The following STK32C variants were observed in gnomAD, a reference collection of about 807,000 sequenced individuals.
STK32C encodes the protein serine/threonine kinase 32C, also known as serine/threonine-protein kinase 32C.
STK32C carries 31 observed loss-of-function variants against 56.5 expected under a neutral mutation model. That is an observed-to-expected ratio of 0.55 (90% CI 0.41 to 0.74). The LOEUF (loss-of-function observed/expected upper bound fraction) is 0.74. Among genes scored for constraint, STK32C ranks in the 30% least tolerant of loss-of-function variants. The pLI is 0.00. For synonymous variants in STK32C, 309 were observed against 289.4 expected (o/e 1.07, Z -0.69); for missense variants, 544 against 676.9 (o/e 0.80, Z 2.18).
chr10:132,259,786 A>G (rs988965884), intron 1 of STK32C, among the ~76,000 whole-genome samples: 1 of 152,220 alleles, frequency 6.6e-6, no homozygotes, highest in Non-Finnish European at 1.5e-5. Flanking sequence ...CATCTCAGGA[A>G]ACCATGGCCG....
At chr10:132,295,791 A>G (rs1296955450) in intron 1 of STK32C, among the ~76,000 whole-genome samples, 1 of 152,100 alleles carries the variant, frequency 6.6e-6, no homozygotes, top group Non-Finnish European at 1.5e-5. Context: ...GGCTGAGGAA[A>G]AAGAATCGCT....
At chr10:132,298,404 C>T (rs941849939) in intron 1 of STK32C, among the ~76,000 whole-genome samples, 2 of 152,246 alleles carry the variant, frequency 1.3e-5, no homozygotes, top group African/African-American at 2.4e-5. Context: ...GCGAAGAAGC[C>T]GAGACTCTGA....
upstream of STK32C, among the ~76,000 whole-genome samples, chr10:132,311,410 G>A (rs546101180): frequency 6.6e-6 from 1 of 152,378 alleles, no homozygotes; most frequent in African/African-American, 2.4e-5. This position sits in a 1 kb window ranked among gnomAD's most constrained non-coding sequence, Gnocchi z 4.4. Flanking sequence ...ATGGAAGACA[G>A]ATGGCCGTGG....
intron 1 of STK32C, among the ~76,000 whole-genome samples, chr10:132,298,420 G>T (rs1046019022): frequency 6.6e-6 from 1 of 152,278 alleles, no homozygotes; most frequent in Non-Finnish European, 1.5e-5. Context: ...TCTGAGGACG[G>T]CTGTGGTGGT....
intron 1 of STK32C, among the ~76,000 whole-genome samples, chr10:132,247,323 C>G (rs777337242): frequency 3.9e-5 from 6 of 152,170 alleles, no homozygotes; most frequent in Non-Finnish European, 8.8e-5. Flanking sequence ...CACTCCCTTC[C>G]CAGGGCACCC....
At position 132,224,407 on chromosome 10, in the gene STK32C, C is replaced by T; in HGVS notation, c.993G>A (p.Lys331=). 6.4e-7 allele frequency: 1 copy of T among 1,550,612 alleles called. No homozygotes were observed. The highest frequency in any genetic ancestry group is 8.7e-7 in the Non-Finnish European group (1 of 1,146,774). ...WSKEMVALLR[K]LLTVNPEHRL... The stretch of plus-strand genomic sequence containing the variant: ...AGGAGGCTCAGGGATGGGGGCTCAC[C>T]TTCCGCAGCAAGGCCACCATCTCCT... Residue 331 remains lysine, a splice_region_variant and synonymous_variant, in exon 8 of 12, where the codon AAG becomes AAA. Coordinates refer to ENST00000298630, the MANE Select transcript of STK32C (RefSeq NM_173575.4).
chr10:132,226,782 G>C lies in STK32C; in HGVS notation c.644+13C>G. 1 of 1,610,534 alleles carries C rather than the reference G, an allele frequency of 6.2e-7. No individual in the cohort carries two copies. The highest frequency in any genetic ancestry group is 8.5e-7 in the Non-Finnish European group (1 of 1,179,086). On this transcript the variant is annotated intron_variant, in intron 4 of 11. Coordinates refer to ENST00000298630, the MANE Select transcript of STK32C (RefSeq NM_173575.4). The stretch of plus-strand genomic sequence containing the variant: ...ACCTCAGCAGGTACCTGCGCCGTCT[G>C]CCACGCACACACCTGTGGATGATGT...
intron 2 of STK32C, among the ~76,000 whole-genome samples, chr10:132,242,869 G>A (rs923785717): frequency 7.2e-5 from 11 of 152,296 alleles, no homozygotes; most frequent in Admixed American, 5.2e-4. Context: ...TCCATGGCAC[G>A]TTTGGTTTGG....
intron 1 of STK32C, among the ~76,000 whole-genome samples, chr10:132,306,011 C>T (rs1003167859): frequency 2.0e-5 from 3 of 152,244 alleles, no homozygotes; most frequent in African/African-American, 4.8e-5. Context: ...ATTCCCAAGT[C>T]AGACCGTGAG....
intron 1 of STK32C, among the ~76,000 whole-genome samples, chr10:132,305,141 G>A (rs900511653): frequency 3.9e-5 from 6 of 152,194 alleles, no homozygotes; most frequent in Admixed American, 1.3e-4. Context: ...ATTTTTCACC[G>A]AAGTCAGAGA....
At chr10:132,328,566 T>G (rs1374806649) in intron 1 of STK32C, among the ~76,000 whole-genome samples, 1 of 152,210 alleles carries the variant, frequency 6.6e-6, no homozygotes, top group East Asian at 1.9e-4. Context: ...GGGGGTATTT[T>G]CGGGAAAGGG....
intron 4 of STK32C, among the ~76,000 whole-genome samples, 183 bp downstream of exon 4, chr10:132,226,612 C>G (rs1193072085): frequency 1.3e-5 from 2 of 152,242 alleles, no homozygotes; most frequent in South Asian, 2.1e-4. Flanking sequence ...ACCAGGCACA[C>G]AGCTATGGGG....
In STK32C at chr10:132,222,864, G is replaced by A; in HGVS notation, c.1116C>T (p.Pro372=). Residue 372 remains proline (P), a synonymous_variant, in exon 9 of 12, where the codon CCC becomes CCT. Coordinates refer to ENST00000298630, the MANE Select transcript of STK32C (RefSeq NM_173575.4). ...SEKRVEPGFV[P]NKGRLHCDPT... ...CCTGAGCCGCCCACAGGCTTACGTT[G>A]GGCACGAAGCCCGGCTCCACCCTCT... 6.3e-7 allele frequency: 1 copy of A among 1,588,364 alleles called. No homozygotes were observed. The highest frequency in any genetic ancestry group is 8.5e-7 in the Non-Finnish European group (1 of 1,169,646).
chr10:132,303,567 G>T (rs943361866), intron 1 of STK32C, among the ~76,000 whole-genome samples: 3 of 152,190 alleles, frequency 2.0e-5, no homozygotes, highest in Non-Finnish European at 2.9e-5. Context: ...AGGAACCTGC[G>T]GCTGCCATCC....
Position 132,209,044 on chromosome 10 carries a change from T to G in STK32C, c.1309A>C (p.Asn437His). The G allele has an allele frequency of 6.2e-7, 1 of 1,613,816 alleles. No homozygotes were observed. Among genetic ancestry groups the G allele is most frequent in the Non-Finnish European group, 8.5e-7 (1 of 1,179,938 alleles). The change falls in exon 11 of 12, where the codon AAC (asparagine) becomes CAC (histidine). Residue 437 changes from asparagine (N) to histidine (H), a missense_variant. Transcript: ENST00000298630. ...CCCCAACACACTCACTTTTCTCTGT[T>G]AAAAATCACGAAGTCTTGCTGGATG... Reference protein sequence around the residue: ...DAIQQDFVIFNREKLKRSQDL... With the variant: ...DAIQQDFVIFHREKLKRSQDL...
At chr10:132,317,624 G>A (rs940437261) in intron 1 of STK32C, among the ~76,000 whole-genome samples, 3 of 152,086 alleles carry the variant, frequency 2.0e-5, no homozygotes, top group African/African-American at 7.2e-5. Context: ...TAGTTTGGGA[G>A]GCTGAGGTTA....
In STK32C at chr10:132,268,948, T is replaced by C. The variant is rs527783768; in HGVS notation, c.263-22993A>G. Among the ~76,000 whole-genome samples, 27 of 130,852 alleles carry C rather than the reference T, an allele frequency of 2.1e-4. No individual in the cohort carries two copies. The East Asian group carries it at 4.9e-3, about 24-fold the overall frequency. 85.8% of individuals were successfully genotyped at this position (130,852 alleles called of 152,430 possible). A position where few individuals can be genotyped will look rare whatever the true frequency, so the allele number is the denominator to read the frequency against. ...AGCTCTATGCCTGTGTGCATGCATG[T>C]CTCACATCGTGTGTGTGTGTGTGTC... On this transcript the variant is annotated intron_variant, in intron 1 of 11. Coordinates refer to ENST00000298630, the MANE Select transcript of STK32C (RefSeq NM_173575.4).
chr10:132,246,499 G>A (rs890676854), intron 1 of STK32C, among the ~76,000 whole-genome samples: 6 of 152,204 alleles, frequency 3.9e-5, no homozygotes, highest in African/African-American at 7.2e-5. Flanking sequence ...AACGAGAGGC[G>A]GCTCAGGGCT....
At chr10:132,273,847 C>T (rs115863569) in intron 1 of STK32C, among the ~76,000 whole-genome samples, 1 of 88,976 alleles carries the variant, frequency 1.1e-5, no homozygotes, top group Non-Finnish European at 2.4e-5. Context: ...TGAATGAACG[C>T]ACAGTGAGTG....
Sources: allele counts gnomAD v4.1 joint callset (sites outside exome capture counted in the v4.1 genomes callset), GRCh38; gene constraint gnomAD v4.1.1; non-coding constraint Gnocchi (gnomAD v3.1); transcripts MANE v1.5; gene names NCBI Gene and HGNC (gene_info 2026-07-23, HGNC 2026-07-21).